DEPDC1B: variants seen among roughly 807,000 people sequenced by gnomAD.
DEPDC1B encodes DEP domain-containing protein 1B.
In DEPDC1B, 51 loss-of-function variants were observed where a neutral mutation model predicts 66.5. The observed-to-expected ratio is 0.77, with a 90% CI of 0.61 to 0.97. The LOEUF is 0.97. DEPDC1B is among the 50% of genes least tolerant of loss of function. The probability of loss-of-function intolerance (pLI) is 0.00; values close to 1 mark genes in which losing one functional copy is unlikely to be tolerated. For missense variants in DEPDC1B, 552 were observed against 637.1 expected, an observed-to-expected ratio of 0.87 and a Z score of 1.44; for synonymous variants, 226 against 223.6, an observed-to-expected ratio of 1.01 and a Z score of -0.10.
Position 60,700,126 on chromosome 5 carries a change from A to T in DEPDC1B, c.-33T>A, listed in dbSNP as rs776721790. The T allele has an allele frequency of 3.9e-5, 60 of 1,535,746 alleles. No individual in the cohort carries two copies. In the African/African-American group the frequency reaches 6.1e-4, roughly 16 times the overall value. ...AGGCAGCAGCGGCCGCAGCCGCGCC[A>T]GCGCTGATCCCCGCCAGCCGGAGGA... On this transcript the variant is annotated 5_prime_UTR_variant, in exon 1 of 11. Transcript: ENST00000265036.
chr5:60,647,246 G>A (rs945478009), intron 3 of DEPDC1B, 152 bp downstream of exon 3: 1 of 869,378 alleles, frequency 1.2e-6, no homozygotes, highest in African/African-American at 1.7e-5. Flanking sequence ...TTCTTTCCTT[G>A]TTACTGGTCT....
At chr5:60,697,871 G>A (rs1177176660) in intron 1 of DEPDC1B, among the ~76,000 whole-genome samples, 1 of 152,122 alleles carries the variant, frequency 6.6e-6, no homozygotes, top group Non-Finnish European at 1.5e-5. Flanking sequence ...AGAGAGCAGA[G>A]AGCACCTTTT....
At chr5:60,650,182 T>C (rs371594045) in intron 2 of DEPDC1B, among the ~76,000 whole-genome samples, 1 of 150,556 alleles carries the variant, frequency 6.6e-6, no homozygotes, top group Admixed American at 6.6e-5. Flanking sequence ...AAGACCCCCA[T>C]CTCTAAAGTA....
At chr5:60,613,467 A>T (rs1752465191) in intron 7 of DEPDC1B, among the ~76,000 whole-genome samples, 1 of 152,246 alleles carries the variant, frequency 6.6e-6, no homozygotes, top group Admixed American at 6.5e-5. Flanking sequence ...AAACAGTGAG[A>T]CAAAGATCTT....
rs150616364 is a variant in DEPDC1B at position 60,651,587 on chromosome 5, A to C, written c.315-4054T>G. On this transcript the variant is annotated intron_variant, in intron 2 of 10. Transcript: ENST00000265036. ...AAAAAAAACTACAATGGTTATTTTA[A>C]TCCAGTAAGTTTGACATAGTTTTAT... is the stretch of plus-strand genomic sequence containing the variant. 2.5e-3 allele frequency among the ~76,000 whole-genome samples: 386 copies of C among 152,270 alleles called. 4 individuals carry two copies. Among genetic ancestry groups the C allele is most frequent in the African/African-American group, 8.9e-3 (370 of 41,548 alleles).
chr5:60,694,767 G>A lies in DEPDC1B; in HGVS notation c.48+5279C>T, dbSNP rs573950715. On this transcript the variant is annotated intron_variant, in intron 1 of 10. Transcript: ENST00000265036. ...GGCACAGAAGTCAGGAAAGTTAATC[G>A]ATTTTGTTCAGCTCAATATCCTCAC... Among the ~76,000 whole-genome samples, 5 of 152,230 alleles carry A rather than the reference G, an allele frequency of 3.3e-5. No homozygotes were observed. The East Asian group carries it at 7.7e-4, about 23-fold the overall frequency.
intron 7 of DEPDC1B, among the ~76,000 whole-genome samples, chr5:60,614,056 G>A (rs998722807): frequency 1.3e-5 from 2 of 152,036 alleles, no homozygotes; most frequent in Non-Finnish European, 2.9e-5. Flanking sequence ...GGGATGAAAG[G>A]GATTTACACC....
intron 2 of DEPDC1B, among the ~76,000 whole-genome samples, chr5:60,678,339 G>A (rs772284388): frequency 6.6e-6 from 1 of 152,114 alleles, no homozygotes; most frequent in African/African-American, 2.4e-5. Context: ...GAATGTTTAG[G>A]TTATTTCCAG....
intron 8 of DEPDC1B, among the ~76,000 whole-genome samples, chr5:60,605,251 G>A (rs1013810866): frequency 6.6e-6 from 1 of 152,018 alleles, no homozygotes; most frequent in African/African-American, 2.4e-5. Context: ...GCACGGTGAC[G>A]ACAATTATAA....
intron 10 of DEPDC1B, among the ~76,000 whole-genome samples, chr5:60,598,839 T>C (rs191707771): frequency 3.9e-5 from 6 of 152,212 alleles, no homozygotes; most frequent in Admixed American, 2.6e-4. Context: ...TATTAGAGAA[T>C]AGCTCCAAAA....
chr5:60,615,187 G>C (rs888844920), intron 7 of DEPDC1B, among the ~76,000 whole-genome samples: 1 of 152,106 alleles, frequency 6.6e-6, no homozygotes, highest in Non-Finnish European at 1.5e-5. Context: ...TGGCCAAATA[G>C]GAACAGCTCC....
intron 2 of DEPDC1B, among the ~76,000 whole-genome samples, chr5:60,678,759 GT>G (rs1409822949): frequency 6.6e-6 from 1 of 152,108 alleles, no homozygotes; most frequent in Non-Finnish European, 1.5e-5. Context: ...TTTACTTACT[GT>G]TGAGTTGATG....
chr5:60,598,567 C>T (rs146537530), intron 10 of DEPDC1B, among the ~76,000 whole-genome samples: 122 of 152,258 alleles, frequency 8.0e-4, no homozygotes, highest in African/African-American at 2.6e-3. Flanking sequence ...GAGTTAAAAA[C>T]GATTCGCTGG....
At chr5:60,669,813 T>C (rs1239047397) in intron 2 of DEPDC1B, among the ~76,000 whole-genome samples, 2 of 152,172 alleles carry the variant, frequency 1.3e-5, no homozygotes, top group East Asian at 3.9e-4. Flanking sequence ...GGTGAGCTTA[T>C]CTGAAAGACA....
Position 60,597,706 on chromosome 5 carries a change from C to G in DEPDC1B, c.*47G>C, listed in dbSNP as rs1397282340. On this transcript the variant is annotated 3_prime_UTR_variant, in exon 11 of 11. Coordinates refer to ENST00000265036, the MANE Select transcript of DEPDC1B (RefSeq NM_018369.3). ...GTCTTTCTCCTAACCACCATTCACTCAAAACAACAACAGTGGTCTCTAGCA... is the reference window on the plus strand; with the variant it reads ...GTCTTTCTCCTAACCACCATTCACTGAAAACAACAACAGTGGTCTCTAGCA... The G allele has an allele frequency of 9.6e-6, 15 of 1,569,416 alleles. No homozygotes were observed. The highest frequency in any genetic ancestry group is 2.3e-5 in the East Asian group (1 of 42,704).
chr5:60,665,439 C>G (rs948765762), intron 2 of DEPDC1B, among the ~76,000 whole-genome samples: 3 of 152,172 alleles, frequency 2.0e-5, no homozygotes, highest in Non-Finnish European at 4.4e-5. Flanking sequence ...TTAAGTTTGT[C>G]TCTTCCAAAA....
In DEPDC1B at chr5:60,599,232, A is replaced by G. The variant is rs1752155264; in HGVS notation, c.1271T>C (p.Ile424Thr). The change falls in exon 10 of 11, where the codon ATC (isoleucine) becomes ACC (threonine). Residue 424 changes from isoleucine (I) to threonine (T), a missense_variant. Transcript: ENST00000265036. ...GCAAAATGATGGAGCAGATAAAGTG[A>G]TATCCATATCAGCTCCTGGGTATTT... ...QIKYPGADMD[I>T]TLSAPSFCRQ... The G allele has an allele frequency of 6.2e-7, 1 of 1,607,438 alleles. No individual in the cohort carries two copies. Among genetic ancestry groups the G allele is most frequent in the Non-Finnish European group, 8.5e-7 (1 of 1,178,150 alleles).
At chr5:60,666,146 TG>T (rs1561382962) in intron 2 of DEPDC1B, among the ~76,000 whole-genome samples, 1 of 151,832 alleles carries the variant, frequency 6.6e-6, no homozygotes, top group Non-Finnish European at 1.5e-5. Context: ...TCCGGGAGGG[TG>T]TTGGCTGTGC....
chr5:60,619,270 T>A (rs953855792), intron 7 of DEPDC1B, among the ~76,000 whole-genome samples: 3 of 152,176 alleles, frequency 2.0e-5, no homozygotes, highest in African/African-American at 7.2e-5. Context: ...TTCAACATAG[T>A]GTTGGAAGTT....
Sources: gnomAD v4.1 joint callset for allele counts (sites outside exome capture counted in the v4.1 genomes callset) on GRCh38, gnomAD v4.1.1 for gene constraint, MANE v1.5 for transcripts, NCBI Gene and HGNC (gene_info 2026-07-23, HGNC 2026-07-21) for gene names.